Variants in ANXA13 observed in about 807,000 individuals in gnomAD.
ANXA13 encodes annexin XIII.
ANXA13 carries 36 observed loss-of-function variants against 46.6 expected under a neutral mutation model. The observed-to-expected ratio is 0.77, with a 90% CI of 0.59 to 1.02. The LOEUF (loss-of-function observed/expected upper bound fraction) is 1.02. Among genes scored for constraint, ANXA13 ranks in the 50% least tolerant of loss-of-function variants. ANXA13 has a pLI of 0.00. For synonymous variants in ANXA13, 163 were observed against 152.9 expected, an observed-to-expected ratio of 1.07 and a Z score of -0.49; for missense variants, 417 against 396.5, an observed-to-expected ratio of 1.05 and a Z score of -0.44.
intron 10 of ANXA13, among the ~76,000 whole-genome samples, chr8:123,683,322 A>G (rs1813073233): frequency 6.6e-6 from 1 of 152,116 alleles, no homozygotes; most frequent in African/African-American, 2.4e-5. Context: ...GCAAAGTTAT[A>G]TTTAAAAACA....
intron 4 of ANXA13, 110 bp downstream of exon 4, chr8:123,698,279 C>T: frequency 1.6e-6 from 2 of 1,217,016 alleles, no homozygotes; most frequent in Non-Finnish European, 2.3e-6. Context: ...TCTCCCCAGA[C>T]ACCTGCTCAG....
At chr8:123,710,320 G>A (rs1482759022) in intron 2 of ANXA13, among the ~76,000 whole-genome samples, 1 of 152,176 alleles carries the variant, frequency 6.6e-6, no homozygotes, top group Non-Finnish European at 1.5e-5. Flanking sequence ...AATCTGTGGA[G>A]ACAGAAAGCT....
chr8:123,688,992 A>C (rs1250083074), intron 8 of ANXA13, 46 bp from the exon 9 acceptor site: 1 of 1,581,656 alleles, frequency 6.3e-7, no homozygotes, highest in South Asian at 1.1e-5. Context: ...TTTGCCTTTG[A>C]CCTTAGTACT....
chr8:123,683,140 A>G (rs1353506648), intron 10 of ANXA13, among the ~76,000 whole-genome samples: 2 of 152,202 alleles, frequency 1.3e-5, no homozygotes, highest in South Asian at 2.1e-4. Flanking sequence ...ATTTGGAGCC[A>G]TGGAGGAGAG....
At chr8:123,730,007 G>A (rs141712650) in intron 1 of ANXA13, among the ~76,000 whole-genome samples, 1 of 152,096 alleles carries the variant, frequency 6.6e-6, no homozygotes, top group Non-Finnish European at 1.5e-5. Context: ...TCACTCTGTC[G>A]TCTTCCTTTC....
chr8:123,735,941 G>A, intron 1 of ANXA13: 1 of 1,502,312 alleles, frequency 6.7e-7, no homozygotes. Context: ...TGCTCCCTAG[G>A]TTGACTTTCA....
chr8:123,696,352 A>T (rs1813336262), intron 4 of ANXA13, among the ~76,000 whole-genome samples: 1 of 152,218 alleles, frequency 6.6e-6, no homozygotes, highest in Non-Finnish European at 1.5e-5. Flanking sequence ...ATGGAGGCTT[A>T]GGTCGTTTCC....
At chr8:123,716,531 G>C (rs115100542) in intron 1 of ANXA13, among the ~76,000 whole-genome samples, 5 of 152,218 alleles carry the variant, frequency 3.3e-5, no homozygotes, top group Admixed American at 6.5e-5. Context: ...CTTGTTCCTT[G>C]TAACAGCAGG....
chr8:123,737,086 C>T (rs1275796780), intron 1 of ANXA13, among the ~76,000 whole-genome samples: 1 of 151,672 alleles, frequency 6.6e-6, no homozygotes, highest in African/African-American at 2.4e-5. Flanking sequence ...ACCTCAAACT[C>T]CTGACCTCAA....
At chr8:123,717,170 T>G (rs1348642149) in intron 1 of ANXA13, among the ~76,000 whole-genome samples, 2 of 152,240 alleles carry the variant, frequency 1.3e-5, no homozygotes, top group African/African-American at 4.8e-5. Flanking sequence ...TGAATGAGGA[T>G]CTGCCTCTTA....
In ANXA13 at chr8:123,731,804, G is replaced by T. The variant is rs143749314; in HGVS notation, c.15+5516C>A. Among the ~76,000 whole-genome samples the T allele has an allele frequency of 3.0e-4, 46 of 152,318 alleles. 1 individual carries two copies. The highest frequency in any genetic ancestry group is 1.0e-3 in the African/African-American group (43 of 41,560). On this transcript the variant is annotated intron_variant, in intron 1 of 10. Transcript: ENST00000419625. ...GTGCTGAGGTAGGAGAACCCCGAGA[G>T]GCTGAGGCTGCAGTGAGCAGTGATT... is the stretch of plus-strand genomic sequence containing the variant.
intron 9 of ANXA13, among the ~76,000 whole-genome samples, chr8:123,687,998 C>A (rs1309477767): frequency 6.6e-6 from 1 of 152,168 alleles, no homozygotes; most frequent in Admixed American, 6.6e-5. Context: ...TGAAAGGAAC[C>A]AAATGGAAAA....
intron 1 of ANXA13, among the ~76,000 whole-genome samples, chr8:123,716,898 A>G (rs1377820037): frequency 1.3e-5 from 2 of 152,224 alleles, no homozygotes; most frequent in Non-Finnish European, 2.9e-5. Context: ...AGTCAGATAC[A>G]GAATGGGCTG....
At chr8:123,723,086 T>G (rs1410031316) in intron 1 of ANXA13, among the ~76,000 whole-genome samples, 8 of 152,208 alleles carry the variant, frequency 5.3e-5, no homozygotes, top group Admixed American at 5.2e-4. Context: ...AATTGCCAAA[T>G]ATATTTATAG....
intron 9 of ANXA13, among the ~76,000 whole-genome samples, chr8:123,685,546 T>C (rs1395141095): frequency 6.6e-6 from 1 of 152,214 alleles, no homozygotes; most frequent in African/African-American, 2.4e-5. Context: ...GAACACTTGA[T>C]GATGTTAGTG....
intron 1 of ANXA13, among the ~76,000 whole-genome samples, chr8:123,722,171 G>A (rs1328455238): frequency 6.6e-6 from 1 of 151,940 alleles, no homozygotes; most frequent in South Asian, 2.1e-4. Context: ...GCTTGGCATG[G>A]TGGTGTGTGC....
intron 2 of ANXA13, chr8:123,712,345 C>T (rs2129898029): frequency 3.5e-6 from 1 of 282,172 alleles, no homozygotes; most frequent in African/African-American, 2.1e-5. Context: ...TAAATTACCC[C>T]ACCTCGGGTA....
At position 123,722,775 on chromosome 8, in the gene ANXA13, GT is replaced by G. The variant is rs532770578; in HGVS notation, c.16-10023del. On this transcript the variant is annotated intron_variant, in intron 1 of 10. Transcript: ENST00000419625. ...CAATGTCACAGCGCTGGACAGGGAG[GT>G]TTCATTATGATGACTCAGGGCTGGC... 9.5e-4 allele frequency among the ~76,000 whole-genome samples: 145 copies of G among 152,308 alleles called. 1 individual carries two copies. Among genetic ancestry groups the G allele is most frequent in the South Asian group, 4.8e-3 (23 of 4,830 alleles).
Position 123,690,422 on chromosome 8 carries a change from G to GT in ANXA13, c.643-1477dup, listed in dbSNP as rs1813212672. 6.6e-6 allele frequency among the ~76,000 whole-genome samples: 1 copy of GT among 152,106 alleles called. No homozygotes were observed. Among genetic ancestry groups the GT allele is most frequent in the Admixed American group, 6.5e-5 (1 of 15,270 alleles). ...CTATACCATGTTTTTGCCCGCTCAG[G>GT]TTTTTTCCTTGCACAACTCCAGGAG... On this transcript the variant is annotated intron_variant, in intron 8 of 10. Coordinates refer to ENST00000419625, the MANE Select transcript of ANXA13 (RefSeq NM_004306.4). This position sits in a 1 kb window ranked among gnomAD's most constrained non-coding sequence, Gnocchi z 4.6.
Sources: gnomAD v4.1 joint callset for allele counts (sites outside exome capture counted in the v4.1 genomes callset) on GRCh38, gnomAD v4.1.1 for gene constraint, Gnocchi (gnomAD v3.1) non-coding constraint, MANE v1.5 for transcripts, NCBI Gene and HGNC (gene_info 2026-07-23, HGNC 2026-07-21) for gene names.